Variants in SULF1 observed in about 807,000 individuals in gnomAD.
SULF1 encodes sulfatase 1, also known as extracellular sulfatase Sulf-1.
Under a neutral mutation model 110.5 loss-of-function variants are expected in SULF1, and 46 were observed. The ratio of observed to expected loss-of-function variants is 0.42; its 90% CI spans 0.33 to 0.53. The LOEUF is 0.53. Ranked by LOEUF, SULF1 falls within the 20% of genes least tolerant of loss-of-function variation. The pLI is 0.12. For missense variants in SULF1, 941 were observed against 1,094.2 expected, an observed-to-expected ratio of 0.86 and a Z score of 1.98; for synonymous variants, 371 against 387.1, an observed-to-expected ratio of 0.96 and a Z score of 0.49.
At position 69,471,082 on chromosome 8, in the gene SULF1, G is replaced by A. The variant is rs765445241; in HGVS notation, c.-391+4132G>A. Among the ~76,000 whole-genome samples the A allele has an allele frequency of 5.5e-4, 84 of 152,186 alleles. 1 individual carries two copies. Among genetic ancestry groups the A allele is most frequent in the Admixed American group, 9.2e-4 (14 of 15,278 alleles). ...GCTTAAGTTCCACCGCCTTTGAGAA[G>A]CCTCTCTGACCGCTACCTCTTCCAG... is the stretch of plus-strand genomic sequence containing the variant. On this transcript the variant is annotated intron_variant, in intron 1 of 22. Transcript: ENST00000260128.
intron 1 of SULF1, among the ~76,000 whole-genome samples, chr8:69,481,351 T>G (rs1485651058): frequency 6.6e-6 from 1 of 152,194 alleles, no homozygotes; most frequent in African/African-American, 2.4e-5. Context: ...TTTTTTTATA[T>G]CTAAACTTTA....
intron 5 of SULF1, among the ~76,000 whole-genome samples, chr8:69,566,019 C>G (rs887431067): frequency 1.3e-5 from 2 of 152,094 alleles, no homozygotes; most frequent in Non-Finnish European, 2.9e-5. Context: ...AACAAAACCA[C>G]CCTCCCCTCC....
At chr8:69,566,712 A>T (rs1007162751) in intron 5 of SULF1, among the ~76,000 whole-genome samples, 1 of 152,126 alleles carries the variant, frequency 6.6e-6, no homozygotes, top group Admixed American at 6.6e-5. Flanking sequence ...TTAGCCAGGC[A>T]TGGTGGCAGG....
chr8:69,570,114 C>A (rs994313802), intron 5 of SULF1, among the ~76,000 whole-genome samples: 1 of 152,104 alleles, frequency 6.6e-6, no homozygotes, highest in African/African-American at 2.4e-5. Flanking sequence ...AAAGCATTAG[C>A]CTTACTTCAT....
At chr8:69,652,499 T>C (rs1812419336) in intron 22 of SULF1, among the ~76,000 whole-genome samples, 3 of 152,256 alleles carry the variant, frequency 2.0e-5, no homozygotes, top group South Asian at 2.1e-4. Flanking sequence ...ACAGACCTGA[T>C]GCATCTTTGC....
chr8:69,652,856 T>A (rs1484421474), intron 22 of SULF1, among the ~76,000 whole-genome samples: 2 of 152,210 alleles, frequency 1.3e-5, no homozygotes, highest in African/African-American at 4.8e-5. Context: ...TACATCTTCT[T>A]CCACCACGCA....
At position 69,510,688 on chromosome 8, in the gene SULF1, C is replaced by T. The variant is rs184356359; in HGVS notation, c.-134+8720C>T. Among the ~76,000 whole-genome samples the T allele has an allele frequency of 2.8e-3, 427 of 150,524 alleles. 1 individual carries two copies. Among genetic ancestry groups the T allele is most frequent in the Non-Finnish European group, 4.5e-3 (306 of 67,846 alleles). Reference sequence around the variant, plus strand: ...CTGCAGTGCAGTCGTGTGATCTTGGCTCACTGCAACCTCCGCCTCCTGGGT... The same window carrying T: ...CTGCAGTGCAGTCGTGTGATCTTGGTTCACTGCAACCTCCGCCTCCTGGGT... On this transcript the variant is annotated intron_variant, in intron 3 of 22. Coordinates refer to ENST00000402687, the MANE Select transcript of SULF1 (RefSeq NM_001128205.2).
chr8:69,581,934 C>T (rs2150755982), intron 6 of SULF1, among the ~76,000 whole-genome samples: 1 of 152,190 alleles, frequency 6.6e-6, no homozygotes, highest in South Asian at 2.1e-4. Context: ...ATCTGGAATA[C>T]TGAGTACATT....
chr8:69,468,371 C>T (rs1221205754), intron 1 of SULF1, among the ~76,000 whole-genome samples: 2 of 152,176 alleles, frequency 1.3e-5, no homozygotes, highest in Non-Finnish European at 2.9e-5. Flanking sequence ...TTGCATTATA[C>T]ATATTTTTGC....
At chr8:69,622,778 T>C (rs1402216387) in intron 14 of SULF1, among the ~76,000 whole-genome samples, 1 of 152,168 alleles carries the variant, frequency 6.6e-6, no homozygotes, top group Non-Finnish European at 1.5e-5. Context: ...GGCAGCTCTC[T>C]CAAACTGTAT....
At chr8:69,598,110 CA>C (rs35655573) in intron 8 of SULF1, among the ~76,000 whole-genome samples, 190 of 139,202 alleles carry the variant, frequency 1.4e-3, no homozygotes, top group Non-Finnish European at 1.5e-3. Flanking sequence ...TCTTTCAGGC[CA>C]AAAAAAAAAA....
In SULF1 at chr8:69,563,848, C is replaced by G. The variant is rs373000673; in HGVS notation, c.-60-68C>G. 11 of 920,646 alleles carry G rather than the reference C, an allele frequency of 1.2e-5. No homozygotes were observed. The African/African-American group carries it at 1.6e-4, about 14-fold the overall frequency. 57.0% of individuals were successfully genotyped at this position (920,646 alleles called of 1,614,324 possible). On this transcript the variant is annotated intron_variant, in intron 4 of 22. Coordinates refer to ENST00000402687, the MANE Select transcript of SULF1 (RefSeq NM_001128205.2). ...TACTGACTTATTTGTAGCCCTTTCT[C>G]TGCAACTGTGCTTGGAGTTTGGATT...
At chr8:69,527,367 C>T (rs1249321536) in intron 3 of SULF1, among the ~76,000 whole-genome samples, 5 of 151,962 alleles carry the variant, frequency 3.3e-5, no homozygotes, top group Non-Finnish European at 2.9e-5. Context: ...ATACAAAAAC[C>T]TGACAATAGC....
At chr8:69,619,058 T>G (rs888057253) in intron 13 of SULF1, among the ~76,000 whole-genome samples, 3 of 152,212 alleles carry the variant, frequency 2.0e-5, no homozygotes, top group Non-Finnish European at 2.9e-5. Context: ...GAACATCTTT[T>G]ATTTAATAAT....
At chr8:69,592,478 C>A (rs1036225113) in intron 8 of SULF1, among the ~76,000 whole-genome samples, 11 of 152,174 alleles carry the variant, frequency 7.2e-5, no homozygotes, top group African/African-American at 2.4e-4. Context: ...AAAGTAAAAT[C>A]TACACAGTGC....
intron 8 of SULF1, among the ~76,000 whole-genome samples, chr8:69,593,461 G>A (rs548155127): frequency 2.0e-5 from 3 of 152,324 alleles, no homozygotes; most frequent in Admixed American, 2.0e-4. Context: ...CATCTTCCTT[G>A]GTGGTCAGGC....
intron 2 of SULF1, among the ~76,000 whole-genome samples, chr8:69,497,311 C>G (rs1309323348): frequency 6.6e-6 from 1 of 152,022 alleles, no homozygotes; most frequent in Non-Finnish European, 1.5e-5. Context: ...GCACCTGCCA[C>G]CACGCCTGGC....
chr8:69,563,802 C>G (rs927182034), intron 4 of SULF1, 114 bp from the exon 5 acceptor site: 2 of 619,250 alleles, frequency 3.2e-6, no homozygotes, highest in Non-Finnish European at 5.6e-6. Flanking sequence ...GCAACCCTGT[C>G]TCTGCCAGCT....
chr8:69,554,224 A>C (rs570954864), intron 3 of SULF1, among the ~76,000 whole-genome samples: 1 of 152,340 alleles, frequency 6.6e-6, no homozygotes, highest in East Asian at 1.9e-4. Context: ...CTGGAAGTGG[A>C]ACACCCCTGG....
Sources: gnomAD v4.1 joint callset for allele counts (sites outside exome capture counted in the v4.1 genomes callset) on GRCh38, gnomAD v4.1.1 for gene constraint, MANE v1.5 for transcripts, NCBI Gene and HGNC (gene_info 2026-07-23, HGNC 2026-07-21) for gene names.